DNAJC21: variants seen among roughly 807,000 people sequenced by gnomAD.
DNAJC21 encodes DnaJ heat shock protein family (Hsp40) member C21, also known as dnaJ homolog subfamily C member 21.
In DNAJC21, 63 loss-of-function variants were observed where a neutral mutation model predicts 72.4. The observed-to-expected ratio is 0.87, with a 90% CI of 0.71 to 1.07. The LOEUF is 1.07. Among genes scored for constraint, DNAJC21 ranks in the 50% least tolerant of loss-of-function variants. DNAJC21 has a pLI of 0.00. For synonymous variants in DNAJC21, 203 were observed against 216.7 expected, an observed-to-expected ratio of 0.94 and a Z score of 0.56; for missense variants, 634 against 644.8, an observed-to-expected ratio of 0.98 and a Z score of 0.18.
chr5:34,933,559 G>A (rs1021611372), intron 1 of DNAJC21, among the ~76,000 whole-genome samples: 2 of 152,124 alleles, frequency 1.3e-5, no homozygotes, highest in African/African-American at 4.8e-5. Flanking sequence ...TACAGTGGGC[G>A]TGAGCCATCA....
intron 3 of DNAJC21, 75 bp from the exon 4 acceptor site, chr5:34,936,068 AT>A: frequency 6.5e-7 from 1 of 1,545,104 alleles, no homozygotes; most frequent in Non-Finnish European, 8.7e-7. Flanking sequence ...AAAATTTTTC[AT>A]TTTGTATTTT....
intron 6 of DNAJC21, among the ~76,000 whole-genome samples, chr5:34,939,729 T>TG (rs2112049690): frequency 6.6e-6 from 1 of 151,664 alleles, no homozygotes; most frequent in South Asian, 2.1e-4. Flanking sequence ...AAAATGTTGT[T>TG]TTTTTTTTGC....
rs778723001 is a variant in DNAJC21, at chr5:34,935,732, C to G, written c.214C>G (p.Leu72Val). The change falls in exon 3 of 12, where the codon CTA becomes GTA. Residue 72 changes from leucine (L) to valine (V), a missense_variant. Coordinates refer to ENST00000648817, the MANE Select transcript of DNAJC21 (RefSeq NM_001012339.3). ...RAWYDNHREA[L>V]LKGGFDGEYQ... ...CAGGTATGATAATCATAGAGAGGCC[C>G]TACTTAAAGGTGGGTTTGATGGCGA... 5 of 1,613,758 alleles carry G rather than the reference C, an allele frequency of 3.1e-6. 1 individual carries two copies. The highest frequency in any genetic ancestry group is 2.5e-6 in the Non-Finnish European group (3 of 1,179,952).
rs1339210844 is a variant in DNAJC21 at position 34,937,502 on chromosome 5, G to C, written c.615G>C (p.Gln205His). Residue 205 changes from glutamine to histidine, a missense_variant, in exon 5 of 12, where the codon CAG (glutamine) becomes CAC (histidine). Coordinates refer to ENST00000648817, the MANE Select transcript of DNAJC21 (RefSeq NM_001012339.3). ...AAGAGAAGAATGAGCTTGTCCGTCA[G>C]CTGGTAGCTTTCATTCGTAAAAGAG... ...ARKEKNELVRQLVAFIRKRDK... is the reference protein window; with the variant it reads ...ARKEKNELVRHLVAFIRKRDK... The C allele has an allele frequency of 1.9e-6, 3 of 1,614,180 alleles. No individual in the cohort carries two copies. Among genetic ancestry groups the C allele is most frequent in the Non-Finnish European group, 2.5e-6 (3 of 1,179,992 alleles).
Position 34,941,181 on chromosome 5 carries a change from G to A in DNAJC21, c.981G>A (p.Lys327=). ...PACDKSFKTE[K]AMKNHEKSKK... The stretch of plus-strand genomic sequence containing the variant: ...GTGACAAATCGTTCAAGACAGAAAA[G>A]GCGTAAGTTTATTAATTTAATTTAA... Residue 327 remains lysine, a splice_region_variant and synonymous_variant, in exon 7 of 12, where the codon AAG becomes AAA. Coordinates refer to ENST00000648817, the MANE Select transcript of DNAJC21 (RefSeq NM_001012339.3). 2 of 1,613,634 alleles carry A rather than the reference G, an allele frequency of 1.2e-6. No homozygotes were observed. Among genetic ancestry groups the A allele is most frequent in the South Asian group, 1.1e-5 (1 of 91,022 alleles).
rs115672057 is a variant in DNAJC21 at position 34,945,616 on chromosome 5, T to G, written c.1143-145T>G. ...AAATGACAATGTGAATACTTTATTT[T>G]CCTTTTAATGCTTTAAGATATTAAA... On this transcript the variant is annotated intron_variant, in intron 8 of 11. Coordinates refer to ENST00000648817, the MANE Select transcript of DNAJC21 (RefSeq NM_001012339.3). 1.8e-3 allele frequency: 1,168 copies of G among 651,858 alleles called. 12 individuals carry two copies. In the African/African-American group the frequency reaches 0.02, roughly 11 times the overall value. 40.4% of individuals were successfully genotyped at this position (651,858 alleles called of 1,614,324 possible). A position where few individuals can be genotyped will look rare whatever the true frequency, so the allele number is the denominator to read the frequency against.
At chr5:34,951,800 A>G (rs1765376263) in intron 10 of DNAJC21, 2 of 985,412 alleles carry the variant, frequency 2.0e-6, no homozygotes, top group Non-Finnish European at 1.2e-6. Flanking sequence ...CTGGGATTGC[A>G]GGTGTGAGCT....
chr5:34,955,145 A>G lies in DNAJC21; in HGVS notation c.*431A>G, dbSNP rs371875537. On this transcript the variant is annotated 3_prime_UTR_variant, in exon 12 of 12. Coordinates refer to ENST00000648817, the MANE Select transcript of DNAJC21 (RefSeq NM_001012339.3). Reference sequence around the variant, plus strand: ...AAACTCGGATCTTTTAAAAAGCATCATAGATCATTTTTCCATATGACACTG... The same window carrying G: ...AAACTCGGATCTTTTAAAAAGCATCGTAGATCATTTTTCCATATGACACTG... 55 of 152,842 alleles carry G rather than the reference A, an allele frequency of 3.6e-4. No homozygotes were observed. The South Asian group carries it at 0.011, about 30-fold the overall frequency. 9.5% of individuals were successfully genotyped at this position (152,842 alleles called of 1,614,324 possible). A position where few individuals can be genotyped will look rare whatever the true frequency, so the allele number is the denominator to read the frequency against.
chr5:34,931,879 G>A (rs577763942), intron 1 of DNAJC21, among the ~76,000 whole-genome samples: 1 of 152,282 alleles, frequency 6.6e-6, no homozygotes, highest in Admixed American at 6.5e-5. Context: ...CTAGGAAGAA[G>A]CATGCAAATA....
At chr5:34,932,284 G>C (rs2112017949) in intron 1 of DNAJC21, among the ~76,000 whole-genome samples, 1 of 152,236 alleles carries the variant, frequency 6.6e-6, no homozygotes, top group East Asian at 1.9e-4. Context: ...AGCTGGGCGT[G>C]GTGGCGCACG....
chr5:34,932,511 A>G (rs1405374440), intron 1 of DNAJC21, among the ~76,000 whole-genome samples: 1 of 152,214 alleles, frequency 6.6e-6, no homozygotes, highest in East Asian at 1.9e-4. Context: ...TTGCTGTGTA[A>G]CAAATTACCA....
chr5:34,932,689 CCAACCACCAACTCATGTGGTTGTGG>C (rs1764638577), intron 1 of DNAJC21, among the ~76,000 whole-genome samples: 1 of 152,192 alleles, frequency 6.6e-6, no homozygotes, highest in African/African-American at 2.4e-5. Flanking sequence ...CACCAGCTCA[CCAACCACCAACTCATGTGGTTGTGG>C]CAGGCCTCAG....
chr5:34,953,325 A>G (rs1765437724), intron 10 of DNAJC21, among the ~76,000 whole-genome samples: 1 of 151,806 alleles, frequency 6.6e-6, no homozygotes. Flanking sequence ...GCAGTGGTGC[A>G]ATCTTGGCTC....
intron 8 of DNAJC21, 122 bp from the exon 9 acceptor site, chr5:34,945,639 A>T: frequency 1.3e-6 from 1 of 782,780 alleles, no homozygotes; most frequent in Non-Finnish European, 1.9e-6. Context: ...TTAAGATATT[A>T]AATATTTTTA....
rs1376673369 is a variant in DNAJC21, at chr5:34,955,570, G to A, written c.*856G>A. 1 of 151,476 alleles carries A rather than the reference G, an allele frequency of 6.6e-6. No homozygotes were observed. 9.4% of individuals were successfully genotyped at this position (151,476 alleles called of 1,614,324 possible). On this transcript the variant is annotated 3_prime_UTR_variant, in exon 12 of 12. Coordinates refer to ENST00000648817, the MANE Select transcript of DNAJC21 (RefSeq NM_001012339.3). ...TTTTTTTTTTTTCCATCACTCAGTG[G>A]AGAAAAGCTTTGTTAATGAAAGATT...
Position 34,937,421 on chromosome 5 carries a change from C to T in DNAJC21, c.534C>T (p.Arg178=). 6.2e-7 allele frequency: 1 copy of T among 1,614,056 alleles called. No homozygotes were observed. The highest frequency in any genetic ancestry group is 8.5e-7 in the Non-Finnish European group (1 of 1,180,020). Residue 178 remains arginine (R), a synonymous_variant, in exon 5 of 12, where the codon CGC becomes CGT. Transcript: ENST00000648817. ...EEYDTRQASN[R]WEKRAMEKEN... Reference sequence around the variant, plus strand: ...ATGATACACGACAGGCTTCAAACCGCTGGGAAAAACGAGCCATGGAAAAAG... The same window carrying T: ...ATGATACACGACAGGCTTCAAACCGTTGGGAAAAACGAGCCATGGAAAAAG...
chr5:34,943,101 A>T (rs1195960893), intron 7 of DNAJC21, among the ~76,000 whole-genome samples: 1 of 152,210 alleles, frequency 6.6e-6, no homozygotes, highest in Admixed American at 6.5e-5. Context: ...TTATTCTCTT[A>T]TGTAACCATG....
intron 9 of DNAJC21, among the ~76,000 whole-genome samples, chr5:34,949,022 C>G (rs1158459472): frequency 1.3e-5 from 2 of 152,044 alleles, no homozygotes; most frequent in Non-Finnish European, 2.9e-5. Flanking sequence ...TAATAGATGC[C>G]AAGTATATTC....
Position 34,950,721 on chromosome 5 carries a change from C to T in DNAJC21, c.1358+379C>T, listed in dbSNP as rs567000083. On this transcript the variant is annotated intron_variant, in intron 10 of 11. Transcript: ENST00000648817. The stretch of plus-strand genomic sequence containing the variant: ...ACTAAGCAAATCTCCATGCTCACGA[C>T]AGCAGCCTGTGTTGGGCCCCACCAT... 1.2e-5 allele frequency: 12 copies of T among 993,002 alleles called. No individual in the cohort carries two copies. The African/African-American group carries it at 2.1e-4, about 17-fold the overall frequency. The allele number at this position is 993,002 out of a possible 1,614,324, so 61.5% of individuals were successfully genotyped here.
Sources: allele counts gnomAD v4.1 joint callset (sites outside exome capture counted in the v4.1 genomes callset), GRCh38; gene constraint gnomAD v4.1.1; transcripts MANE v1.5; gene names NCBI Gene and HGNC (gene_info 2026-07-23, HGNC 2026-07-21).